The following BMP6 variants were observed in gnomAD, a reference collection of about 807,000 sequenced individuals.
BMP6 encodes the protein VG-1-R.
BMP6 carries 17 observed loss-of-function variants against 54.1 expected under a neutral mutation model. The ratio of observed to expected loss-of-function variants is 0.31; its 90% CI spans 0.22 to 0.47. The LOEUF (loss-of-function observed/expected upper bound fraction) is 0.47. Ranked by LOEUF, BMP6 falls within the 20% of genes least tolerant of loss-of-function variation. The pLI is 1.00. For synonymous variants in BMP6, 328 were observed against 291.2 expected, an observed-to-expected ratio of 1.13 and a Z score of -1.28; for missense variants, 720 against 690.4, an observed-to-expected ratio of 1.04 and a Z score of -0.48.
At chr6:7,800,717 A>G (rs1460229520) in intron 1 of BMP6, among the ~76,000 whole-genome samples, 1 of 152,152 alleles carries the variant, frequency 6.6e-6, no homozygotes, top group Non-Finnish European at 1.5e-5. Flanking sequence ...TCTTATTTCC[A>G]TATGCAGGAG....
intron 1 of BMP6, among the ~76,000 whole-genome samples, chr6:7,810,714 A>G (rs1758423295): frequency 1.3e-5 from 2 of 152,222 alleles, no homozygotes; most frequent in South Asian, 4.1e-4. Context: ...CATTCATTGT[A>G]TTTTACTAAA....
At chr6:7,743,891 A>G (rs1472392542) in intron 1 of BMP6, among the ~76,000 whole-genome samples, 2 of 152,358 alleles carry the variant, frequency 1.3e-5, no homozygotes, top group South Asian at 2.1e-4. Flanking sequence ...CAATTCCACA[A>G]TGAATTCCTG....
At chr6:7,750,823 T>C (rs1757410925) in intron 1 of BMP6, among the ~76,000 whole-genome samples, 1 of 152,220 alleles carries the variant, frequency 6.6e-6, no homozygotes, top group African/African-American at 2.4e-5. Context: ...TATGACTAAA[T>C]ATAAGATAAC....
At chr6:7,828,310 G>A (rs991922808) in intron 1 of BMP6, among the ~76,000 whole-genome samples, 5 of 152,208 alleles carry the variant, frequency 3.3e-5, no homozygotes, top group Admixed American at 6.5e-5. Context: ...TTGCAAGGAC[G>A]TGGGGATCCA....
chr6:7,864,421 G>T (rs1759385339), intron 4 of BMP6, among the ~76,000 whole-genome samples: 1 of 152,162 alleles, frequency 6.6e-6, no homozygotes, highest in African/African-American at 2.4e-5. Flanking sequence ...AGCACTCAAA[G>T]ATTATTTATA....
chr6:7,727,545 C>G lies in BMP6; in HGVS notation c.590C>G (p.Ala197Gly). Residue 197 changes from alanine to glycine, a missense_variant, in exon 1 of 7, where the codon GCG becomes GGG. Coordinates refer to ENST00000283147, the MANE Select transcript of BMP6 (RefSeq NM_001718.6). ...GCCCCCGGATCTGGCAGCGGCGGCG[C>G]GTCCCCACTGACCAGCGCGCAGGAC... is the stretch of plus-strand genomic sequence containing the variant. ...LLAPGSGSGG[A>G]SPLTSAQDSA... is the part of the protein sequence containing the mutation. 1.3e-6 allele frequency: 2 copies of G among 1,594,672 alleles called. No homozygotes were observed. Among genetic ancestry groups the G allele is most frequent in the Non-Finnish European group, 1.7e-6 (2 of 1,177,654 alleles).
chr6:7,755,325 G>T (rs1757498298), intron 1 of BMP6, among the ~76,000 whole-genome samples: 2 of 151,830 alleles, frequency 1.3e-5, no homozygotes, highest in African/African-American at 4.8e-5. Context: ...TCCACTACTG[G>T]TTTAGACCTT....
At chr6:7,772,076 A>G (rs1288485257) in intron 1 of BMP6, among the ~76,000 whole-genome samples, 1 of 151,918 alleles carries the variant, frequency 6.6e-6, no homozygotes, top group Admixed American at 6.6e-5. Context: ...AAAAAACAAA[A>G]AAAAACAAAC....
At chr6:7,844,838 A>G (rs1276914306) in intron 1 of BMP6, among the ~76,000 whole-genome samples, 1 of 152,224 alleles carries the variant, frequency 6.6e-6, no homozygotes, top group Admixed American at 6.5e-5. Flanking sequence ...TTTGCAGATG[A>G]GAAAACTTTA....
At position 7,817,573 on chromosome 6, in the gene BMP6, G is replaced by C. The variant is rs1475056938; in HGVS notation, c.665-27567G>C. Among the ~76,000 whole-genome samples the C allele has an allele frequency of 2.2e-5, 3 of 136,442 alleles. No homozygotes were observed. In the East Asian group the frequency reaches 7.0e-4, roughly 32 times the overall value. 89.5% of individuals were successfully genotyped at this position (136,442 alleles called of 152,430 possible). ...GGAACATCACACACGGGGGCCTGTC[G>C]TGGCGTGGGGGGTGGGGGGAGGGAT... On this transcript the variant is annotated intron_variant, in intron 1 of 6. Coordinates refer to ENST00000283147, the MANE Select transcript of BMP6 (RefSeq NM_001718.6).
At chr6:7,825,035 C>T (rs1758671065) in intron 1 of BMP6, among the ~76,000 whole-genome samples, 1 of 152,236 alleles carries the variant, frequency 6.6e-6, no homozygotes, top group African/African-American at 2.4e-5. Context: ...GCGCAGACTT[C>T]AGCTGGATGA....
At chr6:7,756,881 T>G (rs1757522331) in intron 1 of BMP6, among the ~76,000 whole-genome samples, 1 of 152,208 alleles carries the variant, frequency 6.6e-6, no homozygotes, top group Admixed American at 6.5e-5. Flanking sequence ...CAGCCTTGTG[T>G]AAACTGGTAA....
At chr6:7,729,442 G>C (rs1206145497) in intron 1 of BMP6, among the ~76,000 whole-genome samples, 1 of 151,670 alleles carries the variant, frequency 6.6e-6, no homozygotes, top group African/African-American at 2.4e-5. Flanking sequence ...CTACTTCACA[G>C]AGAATCGTGT....
chr6:7,840,741 CAGAT>C (rs1268558074), intron 1 of BMP6, among the ~76,000 whole-genome samples: 2 of 152,026 alleles, frequency 1.3e-5, no homozygotes, highest in African/African-American at 2.4e-5. Context: ...GCAGAAGAAG[CAGAT>C]AGCCTTGTGT....
intron 1 of BMP6, among the ~76,000 whole-genome samples, chr6:7,831,438 G>A (rs918845575): frequency 5.3e-5 from 8 of 152,140 alleles, no homozygotes; most frequent in Admixed American, 3.3e-4. Context: ...TCAAAATGGT[G>A]AATTTTATGT....
rs562032406 is a variant in BMP6 at position 7,825,722 on chromosome 6, A to G, written c.665-19418A>G. On this transcript the variant is annotated intron_variant, in intron 1 of 6. Transcript: ENST00000283147. Reference sequence around the variant, plus strand: ...GCAACAAGAGTGAAAGTCCATCTCGAAAAAAAAAAAACAAAAACCAAAAAA... The same window carrying G: ...GCAACAAGAGTGAAAGTCCATCTCGGAAAAAAAAAAACAAAAACCAAAAAA... Among the ~76,000 whole-genome samples the G allele has an allele frequency of 1.0e-4, 14 of 139,860 alleles. No individual in the cohort carries two copies. In the East Asian group the frequency reaches 1.8e-3, roughly 18 times the overall value. The allele number at this position is 139,860 out of a possible 152,430, so 91.8% of individuals were successfully genotyped here. A position where few individuals can be genotyped will look rare whatever the true frequency, so the allele number is the denominator to read the frequency against.
rs187280064 is a variant in BMP6, at chr6:7,859,407, G to A, written c.858-2044G>A. ...CAGAGGTAACTCGGCATGTGCTCAC[G>A]GGCCCCGCCTTGAGGGCAGCCTTAC... On this transcript the variant is annotated intron_variant, in intron 2 of 6. Coordinates refer to ENST00000283147, the MANE Select transcript of BMP6 (RefSeq NM_001718.6). Among the ~76,000 whole-genome samples, 742 of 151,912 alleles carry A rather than the reference G, an allele frequency of 4.9e-3. 9 individuals carry two copies. The highest frequency in any genetic ancestry group is 0.016 in the African/African-American group (675 of 41,410).
chr6:7,775,275 G>A (rs552899426), intron 1 of BMP6, among the ~76,000 whole-genome samples: 1 of 152,294 alleles, frequency 6.6e-6, no homozygotes, highest in East Asian at 1.9e-4. Context: ...TTTTGGCTAA[G>A]CTGGAGATCT....
At chr6:7,853,892 C>T (rs570161178) in intron 2 of BMP6, among the ~76,000 whole-genome samples, 2 of 133,068 alleles carry the variant, frequency 1.5e-5, no homozygotes, top group East Asian at 2.4e-4. Context: ...ATACCTAGAA[C>T]GGTCTACTTG....
Sources: allele counts gnomAD v4.1 joint callset (sites outside exome capture counted in the v4.1 genomes callset), GRCh38; gene constraint gnomAD v4.1.1; transcripts MANE v1.5; gene names NCBI Gene and HGNC (gene_info 2026-07-23, HGNC 2026-07-21).